The following RBFOX2 variants were observed in gnomAD, a reference collection of about 807,000 sequenced individuals.
RBFOX2 encodes the protein RNA binding fox-1 homolog 2.
A neutral mutation model predicts 49.1 loss-of-function variants in RBFOX2; 10 were observed. The ratio of observed to expected loss-of-function variants is 0.20; its 90% CI spans 0.13 to 0.35. RBFOX2 has a LOEUF of 0.35. Among genes scored for constraint, RBFOX2 ranks in the 10% least tolerant of loss-of-function variants. RBFOX2 has a pLI of 1.00. For synonymous variants in RBFOX2, 183 were observed against 187.4 expected, an observed-to-expected ratio of 0.98 and a Z score of 0.19; for missense variants, 323 against 486.9, an observed-to-expected ratio of 0.66 and a Z score of 3.17.
At chr22:35,765,949 G>A (rs933917215) in intron 5 of RBFOX2, among the ~76,000 whole-genome samples, 64 of 152,250 alleles carry the variant, frequency 4.2e-4, no homozygotes, top group African/African-American at 1.4e-3. Context: ...GTCTGTCAGA[G>A]ATTTTTACTG....
upstream of RBFOX2, among the ~76,000 whole-genome samples, chr22:35,964,171 T>G (rs2056424050): frequency 6.6e-6 from 1 of 152,198 alleles, no homozygotes; most frequent in East Asian, 1.9e-4. Context: ...CAGATCTGTT[T>G]GGATTCCAAA....
chr22:35,956,029 C>T (rs2055513250), intron 1 of RBFOX2, among the ~76,000 whole-genome samples: 1 of 152,062 alleles, frequency 6.6e-6, no homozygotes, highest in Admixed American at 6.5e-5. Flanking sequence ...TTTTTTCATA[C>T]TGTTAATATA....
At chr22:35,991,956 C>T (rs2058001332) in intron 1 of RBFOX2, among the ~76,000 whole-genome samples, 1 of 152,166 alleles carries the variant, frequency 6.6e-6, no homozygotes, top group Admixed American at 6.5e-5. Flanking sequence ...GCTTTACTTG[C>T]AATATCTCAT....
intron 1 of RBFOX2, chr22:35,897,868 C>A: frequency 1.4e-6 from 1 of 732,676 alleles, no homozygotes; most frequent in South Asian, 1.4e-5. Flanking sequence ...TCTCAAATAT[C>A]TAGAAGAGCT....
intron 1 of RBFOX2, among the ~76,000 whole-genome samples, chr22:35,955,941 C>G (rs907275855): frequency 1.3e-5 from 2 of 152,174 alleles, no homozygotes; most frequent in African/African-American, 4.8e-5. Flanking sequence ...ATAGCCTTTT[C>G]GCCTATCTCT....
At chr22:35,912,574 A>G (rs1279632227) in intron 1 of RBFOX2, among the ~76,000 whole-genome samples, 2 of 152,252 alleles carry the variant, frequency 1.3e-5, no homozygotes, top group Non-Finnish European at 2.9e-5. Flanking sequence ...GGATGGATCC[A>G]AACTTTAACA....
At chr22:35,895,428 C>A (rs2047724067) in intron 1 of RBFOX2, among the ~76,000 whole-genome samples, 2 of 152,326 alleles carry the variant, frequency 1.3e-5, no homozygotes, top group South Asian at 4.1e-4. Context: ...GCCAAGCACA[C>A]ACACAGAACC....
At chr22:35,993,382 A>G (rs983866283) in intron 1 of RBFOX2, 12 of 152,220 alleles carry the variant, frequency 7.9e-5, no homozygotes, top group African/African-American at 2.9e-4. Context: ...GTTTTAAAAT[A>G]TGCTCACAAA....
At chr22:35,747,825 G>A (rs1250316773) in intron 9 of RBFOX2, 1 of 152,132 alleles carries the variant, frequency 6.6e-6, no homozygotes, top group Non-Finnish European at 1.5e-5. Context: ...ATGGATATCT[G>A]AAGGTTTCTG....
chr22:35,861,078 TAGAG>T (rs1355514705), intron 1 of RBFOX2, among the ~76,000 whole-genome samples: 1 of 152,176 alleles, frequency 6.6e-6, no homozygotes, highest in African/African-American at 2.4e-5. Context: ...CGGAATTCAG[TAGAG>T]AAAGAACAGT....
intron 4 of RBFOX2, among the ~76,000 whole-genome samples, chr22:35,772,431 A>G (rs556620250): frequency 6.6e-6 from 1 of 152,166 alleles, no homozygotes; most frequent in Non-Finnish European, 1.5e-5. Flanking sequence ...ATATTAAAAC[A>G]TTATTAGTGA....
At chr22:35,966,019 A>G (rs918046393), upstream of RBFOX2, among the ~76,000 whole-genome samples, 3 of 152,276 alleles carry the variant, frequency 2.0e-5, no homozygotes, top group African/African-American at 7.2e-5. Flanking sequence ...CCAGCACTAC[A>G]GAAGCCCATC....
chr22:36,007,850 T>C (rs546794345), intron 1 of RBFOX2, among the ~76,000 whole-genome samples: 19 of 152,332 alleles, frequency 1.2e-4, no homozygotes, highest in African/African-American at 4.6e-4. Context: ...GCTGCCTAAT[T>C]AATGGCTACA....
chr22:35,775,720 T>C (rs1040664587), intron 4 of RBFOX2, among the ~76,000 whole-genome samples: 9 of 151,256 alleles, frequency 6.0e-5, no homozygotes, highest in African/African-American at 2.2e-4. Context: ...GTGCGCCTGT[T>C]ATCCCAGCTA....
chr22:35,964,630 T>G (rs1322044703), upstream of RBFOX2, among the ~76,000 whole-genome samples: 1 of 152,202 alleles, frequency 6.6e-6, no homozygotes, highest in East Asian at 1.9e-4. Flanking sequence ...CAAACCCTAA[T>G]GCAGTCAGGA....
At chr22:35,916,638 G>A (rs540814149) in intron 1 of RBFOX2, among the ~76,000 whole-genome samples, 4 of 152,282 alleles carry the variant, frequency 2.6e-5, no homozygotes, top group African/African-American at 7.2e-5. Context: ...GCTCATGCCT[G>A]TAATCCCAAC....
chr22:35,992,001 T>C (rs1406004423), intron 1 of RBFOX2, among the ~76,000 whole-genome samples: 1 of 152,194 alleles, frequency 6.6e-6, no homozygotes, highest in African/African-American at 2.4e-5. Context: ...GAAACTATTA[T>C]TAACATTTTA....
chr22:35,809,016 G>A (rs1951289738), intron 2 of RBFOX2, among the ~76,000 whole-genome samples: 2 of 150,060 alleles, frequency 1.3e-5, no homozygotes, highest in South Asian at 2.1e-4. Flanking sequence ...ATTGCATTAG[G>A]GAACTATTAA....
intron 1 of RBFOX2, among the ~76,000 whole-genome samples, chr22:35,902,686 C>T (rs2048719561): frequency 1.3e-5 from 2 of 151,960 alleles, no homozygotes; most frequent in Non-Finnish European, 2.9e-5. Context: ...ACTCTGTCGC[C>T]CAGGCTGGAG....
Sources: gnomAD v4.1 joint callset for allele counts (sites outside exome capture counted in the v4.1 genomes callset) on GRCh38, gnomAD v4.1.1 for gene constraint, MANE v1.5 for transcripts, NCBI Gene and HGNC (gene_info 2026-07-23, HGNC 2026-07-21) for gene names.